The following SNX7 variants were observed in gnomAD, a reference collection of about 807,000 sequenced individuals.
The protein encoded by SNX7 is sorting nexin 7.
Under a neutral mutation model 48.4 loss-of-function variants are expected in SNX7, and 35 were observed. That is an observed-to-expected ratio of 0.72 (90% CI 0.55 to 0.96). The LOEUF is 0.96. SNX7 is among the 40% of genes least tolerant of loss of function. The pLI is 0.00. For missense variants in SNX7, 553 were observed against 548.9 expected (o/e 1.01, Z -0.07); for synonymous variants, 190 against 190.2 (o/e 1.00, Z 0.01).
chr1:98,750,462 A>G (rs931277702), intron 8 of SNX7, among the ~76,000 whole-genome samples: 6 of 152,134 alleles, frequency 3.9e-5, no homozygotes, highest in Admixed American at 1.3e-4. Flanking sequence ...ATGTACATGC[A>G]TATACATATA....
At chr1:98,744,466 GA>G (rs1441329709) in intron 8 of SNX7, among the ~76,000 whole-genome samples, 3 of 151,992 alleles carry the variant, frequency 2.0e-5, no homozygotes, top group Non-Finnish European at 2.9e-5. Context: ...AGTTTTGGGG[GA>G]AAAAATGTGA....
In SNX7 at chr1:98,709,350, A is replaced by T. The variant is rs180993794; in HGVS notation, c.1125+7447A>T. ...AAGAAAAAAGAAAAAGCGAGGCAGCAATTAGCTTTAGCTGTGTAGTGACCA... is the reference window on the plus strand; with the variant it reads ...AAGAAAAAAGAAAAAGCGAGGCAGCTATTAGCTTTAGCTGTGTAGTGACCA... On this transcript the variant is annotated intron_variant, in intron 7 of 8. Coordinates refer to ENST00000306121, the MANE Select transcript of SNX7 (RefSeq NM_015976.5). Among the ~76,000 whole-genome samples the T allele has an allele frequency of 2.6e-5, 4 of 152,304 alleles. No homozygotes were observed. The East Asian group carries it at 7.7e-4, about 29-fold the overall frequency.
At chr1:98,676,398 A>C (rs1037835241) in intron 1 of SNX7, among the ~76,000 whole-genome samples, 2 of 152,166 alleles carry the variant, frequency 1.3e-5, no homozygotes, top group African/African-American at 4.8e-5. Flanking sequence ...GATTAATCCA[A>C]CTGAAATTTG....
chr1:98,668,277 T>G (rs946295316), intron 1 of SNX7, among the ~76,000 whole-genome samples: 2 of 152,196 alleles, frequency 1.3e-5, no homozygotes, highest in Admixed American at 6.5e-5. Context: ...GATATTGAAT[T>G]TAAACACCAT....
chr1:98,733,134 GT>G (rs1329861700), intron 7 of SNX7, among the ~76,000 whole-genome samples: 2 of 152,130 alleles, frequency 1.3e-5, no homozygotes, highest in African/African-American at 4.8e-5. Flanking sequence ...GGTTTTGAAT[GT>G]TTATATAACA....
At position 98,759,914 on chromosome 1, in the gene SNX7, A is replaced by G; in HGVS notation, c.1279-140A>G. On this transcript the variant is annotated intron_variant, in intron 8 of 8. Transcript: ENST00000306121. ...CATTAAGAATTAAAATATGTAGAAA[A>G]TGACAAGGATTCTGACAAGCTGATG... is the stretch of plus-strand genomic sequence containing the variant. 5.1e-6 allele frequency: 3 copies of G among 583,832 alleles called. No homozygotes were observed. In the African/African-American group the frequency reaches 5.6e-5, roughly 11 times the overall value. The allele number at this position is 583,832 out of a possible 1,614,324, so 36.2% of individuals were successfully genotyped here. A position where few individuals can be genotyped will look rare whatever the true frequency, so the allele number is the denominator to read the frequency against.
intron 2 of SNX7, among the ~76,000 whole-genome samples, chr1:98,687,538 C>T (rs1354126060): frequency 6.6e-6 from 1 of 151,924 alleles, no homozygotes; most frequent in African/African-American, 2.4e-5. Flanking sequence ...TTGAGTACCC[C>T]GTTTGTCCCA....
rs768914553 is a variant in SNX7 at position 98,738,311 on chromosome 1, A to G, written c.1200A>G (p.Arg400=). ...ATGCCCTGAAAGCAGATTGGGAGAG[A>G]TGGAAACAAAATATGCAAAATGATA... ...ANNALKADWE[R]WKQNMQNDIK... is the part of the protein sequence containing the mutation. Residue 400 remains arginine, a synonymous_variant, in exon 8 of 9, where the codon AGA becomes AGG. Coordinates refer to ENST00000306121, the MANE Select transcript of SNX7 (RefSeq NM_015976.5). 1 of 1,613,674 alleles carries G rather than the reference A, an allele frequency of 6.2e-7. No homozygotes were observed. Among genetic ancestry groups the G allele is most frequent in the Non-Finnish European group, 8.5e-7 (1 of 1,179,782 alleles).
At chr1:98,685,668 G>T (rs4326639) in intron 2 of SNX7, among the ~76,000 whole-genome samples, 135,503 of 152,090 alleles carry the variant, frequency 0.89, 61,207 homozygotes, top group Non-Finnish European at 0.96. Context: ...AATAGCATTT[G>T]AAAATAATTC....
chr1:98,702,552 T>C (rs1428396084), intron 7 of SNX7, among the ~76,000 whole-genome samples: 1 of 152,166 alleles, frequency 6.6e-6, no homozygotes, highest in Non-Finnish European at 1.5e-5. Flanking sequence ...TTACCCATGG[T>C]ATTTTTATAT....
At chr1:98,749,022 A>C (rs750521172) in intron 8 of SNX7, among the ~76,000 whole-genome samples, 3 of 152,192 alleles carry the variant, frequency 2.0e-5, no homozygotes, top group Non-Finnish European at 4.4e-5. Context: ...ACACAAAAAC[A>C]GATAAGCTTG....
chr1:98,709,089 T>C (rs1018993477), intron 7 of SNX7, among the ~76,000 whole-genome samples: 2 of 152,204 alleles, frequency 1.3e-5, no homozygotes, highest in African/African-American at 4.8e-5. Context: ...CTTAACATTC[T>C]CCATACTTTA....
Position 98,701,909 on chromosome 1 carries a change from T to C in SNX7, c.1125+6T>C, listed in dbSNP as rs1651771093. ...AAAAGGCAGATACTGATCTGGTAAG[T>C]TTTTAAGTTTCTTGATACAATCATA... On this transcript the variant is annotated splice_donor_region_variant and intron_variant, in intron 7 of 8. Transcript: ENST00000306121. The C allele has an allele frequency of 6.3e-7, 1 of 1,594,072 alleles. No homozygotes were observed. The highest frequency in any genetic ancestry group is 1.3e-5 in the African/African-American group (1 of 74,124).
chr1:98,747,342 A>C (rs534747013), intron 8 of SNX7, among the ~76,000 whole-genome samples: 1 of 152,212 alleles, frequency 6.6e-6, no homozygotes, highest in African/African-American at 2.4e-5. Context: ...TTACAGATTC[A>C]ATTTAGAAGT....
chr1:98,739,710 T>C (rs1229786684), intron 8 of SNX7, among the ~76,000 whole-genome samples: 1 of 151,918 alleles, frequency 6.6e-6, no homozygotes, highest in Non-Finnish European at 1.5e-5. Flanking sequence ...AGAAATGGAG[T>C]TGGAGCAGAG....
chr1:98,696,491 A>C (rs1199008298), intron 5 of SNX7, among the ~76,000 whole-genome samples: 3 of 152,038 alleles, frequency 2.0e-5, no homozygotes, highest in South Asian at 2.1e-4. Context: ...AAATTTGTTC[A>C]GTGATTGAAA....
At chr1:98,696,417 TA>T (rs1013290261) in intron 5 of SNX7, among the ~76,000 whole-genome samples, 17 of 152,114 alleles carry the variant, frequency 1.1e-4, no homozygotes, top group African/African-American at 4.1e-4. Flanking sequence ...CCAGTCAGGA[TA>T]AGCTGGGAAA....
chr1:98,732,365 T>A (rs1026761207), intron 7 of SNX7, among the ~76,000 whole-genome samples: 7 of 152,014 alleles, frequency 4.6e-5, no homozygotes, highest in African/African-American at 1.7e-4. Context: ...AGGGGAAAAG[T>A]GGGCTGGAGG....
At chr1:98,706,880 A>G (rs1652035685) in intron 7 of SNX7, among the ~76,000 whole-genome samples, 1 of 152,184 alleles carries the variant, frequency 6.6e-6, no homozygotes, top group Non-Finnish European at 1.5e-5. Flanking sequence ...TTTGGAAACA[A>G]CAGGTTTAAT....
Sources: allele counts gnomAD v4.1 joint callset (sites outside exome capture counted in the v4.1 genomes callset), GRCh38; gene constraint gnomAD v4.1.1; transcripts MANE v1.5; gene names NCBI Gene and HGNC (gene_info 2026-07-23, HGNC 2026-07-21).